The following ITGA8 variants were observed in gnomAD, a reference collection of about 807,000 sequenced individuals.
ITGA8 encodes integrin subunit alpha 8, also known as integrin alpha-8.
Under a neutral mutation model 142.3 loss-of-function variants are expected in ITGA8, and 91 were observed. The ratio of observed to expected loss-of-function variants is 0.64; its 90% CI spans 0.54 to 0.76. The LOEUF (loss-of-function observed/expected upper bound fraction) is 0.76, where lower values mean the gene tolerates loss of function less well. ITGA8 is among the 30% of genes least tolerant of loss of function. ITGA8 has a pLI of 0.00. For synonymous variants in ITGA8, 505 were observed against 485.2 expected (o/e 1.04, Z -0.54); for missense variants, 1,406 against 1,327.7 (o/e 1.06, Z -0.92).
chr10:15,605,644 A>G, intron 19 of ITGA8, 80 bp downstream of exon 19: 1 of 1,157,904 alleles, frequency 8.6e-7, no homozygotes, highest in East Asian at 2.4e-5. Flanking sequence ...TTGGAAGTGT[A>G]TACTTTCTCC....
At chr10:15,663,898 A>G (rs1355322504) in intron 8 of ITGA8, among the ~76,000 whole-genome samples, 1 of 152,212 alleles carries the variant, frequency 6.6e-6, no homozygotes, top group African/African-American at 2.4e-5. Flanking sequence ...GCCACATTAA[A>G]AAAAATAATA....
intron 8 of ITGA8, among the ~76,000 whole-genome samples, chr10:15,667,302 G>T (rs1407088336): frequency 1.3e-5 from 2 of 151,978 alleles, no homozygotes; most frequent in African/African-American, 2.4e-5. Flanking sequence ...TAGTTTATTT[G>T]CATAGAGTTG....
intron 15 of ITGA8, among the ~76,000 whole-genome samples, chr10:15,612,903 G>A (rs1367699103): frequency 1.3e-5 from 2 of 152,240 alleles, no homozygotes; most frequent in East Asian, 1.9e-4. Flanking sequence ...GCCCACGCCT[G>A]TAATCCCAGG....
chr10:15,664,856 T>C (rs1038631346), intron 8 of ITGA8, among the ~76,000 whole-genome samples: 3 of 152,126 alleles, frequency 2.0e-5, no homozygotes, highest in Admixed American at 6.5e-5. Context: ...TCATCCTTTT[T>C]ATGGCTGCAT....
chr10:15,569,431 A>G (rs1834138846), intron 25 of ITGA8, among the ~76,000 whole-genome samples: 1 of 152,200 alleles, frequency 6.6e-6, no homozygotes, highest in African/African-American at 2.4e-5. Flanking sequence ...CTGTAGAACC[A>G]AATAATCAGG....
At chr10:15,589,365 T>G (rs1832884348) in intron 22 of ITGA8, among the ~76,000 whole-genome samples, 1 of 152,184 alleles carries the variant, frequency 6.6e-6, no homozygotes, top group Non-Finnish European at 1.5e-5. Flanking sequence ...CCTGTTTGTA[T>G]GTGGCAATTG....
Position 15,659,047 on chromosome 10 carries a change from G to T in ITGA8, c.900C>A (p.Ile300=). The part of the protein sequence containing the change: ...RGAQNFGYVS[I]INSTDMTFIQ... ...TAAACGTCATATCCGTAGAGTTAAT[G>T]ATGGAAACCTGAAATCACAGAAATT... is the stretch of plus-strand genomic sequence containing the variant. Residue 300 remains isoleucine (I), a synonymous_variant, in exon 10 of 30, where the codon ATC becomes ATA. Transcript: ENST00000378076. The T allele has an allele frequency of 2.5e-6, 4 of 1,605,648 alleles. No homozygotes were observed. The highest frequency in any genetic ancestry group is 1.1e-5 in the South Asian group (1 of 89,940).
intron 6 of ITGA8, among the ~76,000 whole-genome samples, chr10:15,673,007 T>G (rs532971934): frequency 2.0e-5 from 3 of 152,348 alleles, no homozygotes; most frequent in African/African-American, 7.2e-5. Context: ...CACCTCCAAA[T>G]GATAAAAGTA....
At chr10:15,583,401 A>C (rs1360519130) in intron 23 of ITGA8, among the ~76,000 whole-genome samples, 2 of 152,124 alleles carry the variant, frequency 1.3e-5, no homozygotes, top group Non-Finnish European at 2.9e-5. Flanking sequence ...CATTAGGAGA[A>C]ATACCTAATG....
Position 15,637,093 on chromosome 10 carries a change from C to T in ITGA8, c.1399+6937G>A, listed in dbSNP as rs184882949. On this transcript the variant is annotated intron_variant, in intron 13 of 29. Transcript: ENST00000378076. ...CTGGGCGGCGGAGTTTGCAGTGATC[C>T]GAGATTGTGACGCTGCACTCCAACC... Among the ~76,000 whole-genome samples, 117 of 152,230 alleles carry T rather than the reference C, an allele frequency of 7.7e-4. 1 individual carries two copies. The highest frequency in any genetic ancestry group is 3.2e-3 in the Admixed American group (49 of 15,280).
chr10:15,550,580 C>T (rs796525435), intron 26 of ITGA8, among the ~76,000 whole-genome samples: 1 of 152,138 alleles, frequency 6.6e-6, no homozygotes, highest in South Asian at 2.1e-4. Flanking sequence ...GGGAGGTCAC[C>T]TAGCAGAATG....
intron 20 of ITGA8, among the ~76,000 whole-genome samples, chr10:15,598,848 C>T (rs746326493): frequency 2.0e-5 from 3 of 152,150 alleles, no homozygotes; most frequent in East Asian, 1.9e-4. Flanking sequence ...TTAGTTACGT[C>T]GGATGAGCTA....
At chr10:15,588,102 T>G (rs1227228239) in intron 22 of ITGA8, among the ~76,000 whole-genome samples, 1 of 152,134 alleles carries the variant, frequency 6.6e-6, no homozygotes, top group African/African-American at 2.4e-5. Flanking sequence ...TCTGATTCGA[T>G]GGACAAGCTC....
In ITGA8 at chr10:15,517,090, C is replaced by G; in HGVS notation, c.*68G>C. Reference sequence around the variant, plus strand: ...TATCAGAAAGCTTTGATTTTTAACCCTCATGTTCTTTCTTTTTCTTTGAAC... The same window carrying G: ...TATCAGAAAGCTTTGATTTTTAACCGTCATGTTCTTTCTTTTTCTTTGAAC... On this transcript the variant is annotated 3_prime_UTR_variant, in exon 30 of 30. Coordinates refer to ENST00000378076, the MANE Select transcript of ITGA8 (RefSeq NM_003638.3). 8.4e-7 allele frequency: 1 copy of G among 1,197,452 alleles called. No homozygotes were observed. The allele number at this position is 1,197,452 out of a possible 1,614,324, so 74.2% of individuals were successfully genotyped here. A position where few individuals can be genotyped will look rare whatever the true frequency, so the allele number is the denominator to read the frequency against.
chr10:15,690,355 C>A (rs905277982), intron 2 of ITGA8, among the ~76,000 whole-genome samples: 3 of 152,168 alleles, frequency 2.0e-5, no homozygotes, highest in Non-Finnish European at 2.9e-5. Context: ...TCTGAAATAC[C>A]TCTTCCTCTG....
intron 2 of ITGA8, among the ~76,000 whole-genome samples, chr10:15,690,785 C>T (rs953066775): frequency 1.3e-5 from 2 of 152,256 alleles, no homozygotes; most frequent in South Asian, 2.1e-4. Flanking sequence ...ATGTTAATCA[C>T]AGCTGAAGAA....
intron 3 of ITGA8, among the ~76,000 whole-genome samples, chr10:15,687,025 C>G (rs9333261): frequency 4.1e-4 from 62 of 152,222 alleles, no homozygotes; most frequent in Admixed American, 1.6e-3. Context: ...AAAGTTCTTA[C>G]AAATTCTGGA....
chr10:15,606,536 A>G, intron 17 of ITGA8, 114 bp from the exon 18 acceptor site: 1 of 1,041,152 alleles, frequency 9.6e-7, no homozygotes, highest in Non-Finnish European at 1.4e-6. Flanking sequence ...TGATGAAACA[A>G]TTATCTTTGC....
intron 13 of ITGA8, among the ~76,000 whole-genome samples, chr10:15,628,560 C>G (rs904670044): frequency 2.0e-5 from 3 of 151,700 alleles, no homozygotes; most frequent in Non-Finnish European, 1.5e-5. Flanking sequence ...TCTTGATCTC[C>G]TGACCTCATG....
Sources: allele counts gnomAD v4.1 joint callset (sites outside exome capture counted in the v4.1 genomes callset), GRCh38; gene constraint gnomAD v4.1.1; transcripts MANE v1.5; gene names NCBI Gene and HGNC (gene_info 2026-07-23, HGNC 2026-07-21).